Variants in SLC17A6 observed in about 807,000 individuals in gnomAD.
SLC17A6 encodes the protein solute carrier family 17 member 6.
SLC17A6 carries 35 observed loss-of-function variants against 67.1 expected under a neutral mutation model. That is an observed-to-expected ratio of 0.52 (90% CI 0.40 to 0.69). SLC17A6 has a LOEUF of 0.69. SLC17A6 is among the 30% of genes least tolerant of loss of function. SLC17A6 has a pLI of 0.00. For missense variants in SLC17A6, 588 were observed against 723.9 expected (o/e 0.81, Z 2.15); for synonymous variants, 285 against 252.3 (o/e 1.13, Z -1.23).
At position 22,340,995 on chromosome 11, in the gene SLC17A6, G is replaced by T. The variant is rs1352131051; in HGVS notation, c.87-533G>T. Among the ~76,000 whole-genome samples the T allele has an allele frequency of 3.3e-5, 5 of 152,284 alleles. No homozygotes were observed. In the East Asian group the frequency reaches 9.7e-4, roughly 29 times the overall value. On this transcript the variant is annotated intron_variant, in intron 1 of 11. Coordinates refer to ENST00000263160, the MANE Select transcript of SLC17A6 (RefSeq NM_020346.3). ...TCGTCAACCTGGAAAGCTTCAACTTGCTAGAAACGGAAAAGGCAGCGCGGG... is the reference window on the plus strand; with the variant it reads ...TCGTCAACCTGGAAAGCTTCAACTTTCTAGAAACGGAAAAGGCAGCGCGGG...
At chr11:22,370,014 A>C in intron 7 of SLC17A6, 25 bp from the exon 8 acceptor site, 1 of 1,600,420 alleles carries the variant, frequency 6.2e-7, no homozygotes, top group Non-Finnish European at 8.5e-7. Context: ...AAATGGTCAT[A>C]ATGTCTCTCT....
rs937673189 is a variant in SLC17A6 at position 22,374,017 on chromosome 11, C to A, written c.1042-738C>A. Among the ~76,000 whole-genome samples, 5 of 152,170 alleles carry A rather than the reference C, an allele frequency of 3.3e-5. No individual in the cohort carries two copies. The East Asian group carries it at 9.6e-4, about 29-fold the overall frequency. On this transcript the variant is annotated intron_variant, in intron 8 of 11. Transcript: ENST00000263160. ...TTACATTCAAAGTTTATTAAGTCCACGTATGCGGTAATACATAATTCAAAT... is the reference window on the plus strand; with the variant it reads ...TTACATTCAAAGTTTATTAAGTCCAAGTATGCGGTAATACATAATTCAAAT...
chr11:22,376,499 A>G (rs1245001841), intron 10 of SLC17A6, 46 bp from the exon 11 acceptor site: 2 of 1,611,636 alleles, frequency 1.2e-6, no homozygotes, highest in Non-Finnish European at 8.5e-7. Flanking sequence ...ATTTACTTCT[A>G]AGACGTTTAG....
At chr11:22,359,548 G>C in intron 4 of SLC17A6, 21 bp downstream of exon 4, 1 of 1,480,822 alleles carries the variant, frequency 6.8e-7, no homozygotes, top group East Asian at 2.4e-5. Context: ...TCAGGGTGAA[G>C]CCTTTTTAAG....
At chr11:22,360,484 A>C (rs888883148) in intron 4 of SLC17A6, among the ~76,000 whole-genome samples, 9 of 151,948 alleles carry the variant, frequency 5.9e-5, no homozygotes, top group African/African-American at 2.2e-4. Context: ...AACTTAAAAA[A>C]ATAATAATAA....
intron 1 of SLC17A6, among the ~76,000 whole-genome samples, chr11:22,339,156 TATATATATG>T (rs1855780186): frequency 2.2e-5 from 1 of 45,290 alleles, no homozygotes; most frequent in South Asian, 7.1e-4. Flanking sequence ...TATATAGTTA[TATATATATG>T]TTATATATAT....
At chr11:22,343,751 C>G (rs1855845550) in intron 3 of SLC17A6, among the ~76,000 whole-genome samples, 1 of 152,116 alleles carries the variant, frequency 6.6e-6, no homozygotes, top group South Asian at 2.1e-4. Context: ...TCCTGCACTC[C>G]CCGCAGGCTC....
rs199700825 is a variant in SLC17A6, at chr11:22,365,633, C to T, written c.835C>T (p.Arg279Cys). ...GCATCCTACTATTACAGATGAAGAACGTAGGTACATAGAAGAAAGCATTGG... is the reference window on the plus strand; with the variant it reads ...GCATCCTACTATTACAGATGAAGAATGTAGGTACATAGAAGAAAGCATTGG... ...AKHPTITDEE[R>C]RYIEESIGES... is the part of the protein sequence containing the mutation. Residue 279 changes from arginine to cysteine, a missense_variant, in exon 7 of 12, where the codon CGT becomes TGT. This residue lies in a region of SLC17A6 where 414 missense variants were observed against 563.4 expected (regional missense o/e 0.73). Transcript: ENST00000263160. 480 of 1,613,844 alleles carry T rather than the reference C, an allele frequency of 3.0e-4. No homozygotes were observed. The highest frequency in any genetic ancestry group is 3.8e-4 in the Non-Finnish European group (448 of 1,179,824).
In SLC17A6 at chr11:22,358,811, T is replaced by C. The variant is rs573131401; in HGVS notation, c.459-602T>C. On this transcript the variant is annotated intron_variant, in intron 3 of 11. Transcript: ENST00000263160. ...CCTGAGAGAGATATACTAAGTATAA[T>C]TATTTGCATTATTTCGAGAACATGT... 3.9e-4 allele frequency among the ~76,000 whole-genome samples: 60 copies of C among 152,334 alleles called. 3 individuals carry two copies. The South Asian group carries it at 9.9e-3, about 25-fold the overall frequency.
chr11:22,343,076 T>C, intron 2 of SLC17A6, 171 bp from the exon 3 acceptor site: 1 of 698,542 alleles, frequency 1.4e-6, no homozygotes, highest in South Asian at 1.5e-5. Context: ...AGCAGGGTTT[T>C]TTCGTTGCAA....
chr11:22,369,919 C>G, intron 7 of SLC17A6, 120 bp from the exon 8 acceptor site: 1 of 849,952 alleles, frequency 1.2e-6, no homozygotes. Flanking sequence ...TTCACTACAT[C>G]TTCCTACTTC....
At position 22,349,894 on chromosome 11, in the gene SLC17A6, C is replaced by A. The variant is rs567097130; in HGVS notation, c.458+6529C>A. Among the ~76,000 whole-genome samples, 7 of 152,236 alleles carry A rather than the reference C, an allele frequency of 4.6e-5. No homozygotes were observed. The South Asian group carries it at 8.3e-4, about 18-fold the overall frequency. The stretch of plus-strand genomic sequence containing the variant: ...AGCCTGAGTCAGTCTGCTGCAGACC[C>A]TCCAGGAAAGAATTAGTTCCACACC... On this transcript the variant is annotated intron_variant, in intron 3 of 11. Coordinates refer to ENST00000263160, the MANE Select transcript of SLC17A6 (RefSeq NM_020346.3).
At chr11:22,362,333 C>T in intron 5 of SLC17A6, 1 of 350,188 alleles carries the variant, frequency 2.9e-6, no homozygotes, top group Non-Finnish European at 5.7e-6. Flanking sequence ...GTAAAAGCTA[C>T]ACAAACATGA....
chr11:22,349,904 G>T (rs1056771893), intron 3 of SLC17A6, among the ~76,000 whole-genome samples: 19 of 152,154 alleles, frequency 1.2e-4, no homozygotes, highest in African/African-American at 4.6e-4. Context: ...CTCCAGGAAA[G>T]AATTAGTTCC....
At chr11:22,373,391 A>G (rs997898097) in intron 8 of SLC17A6, among the ~76,000 whole-genome samples, 1 of 152,118 alleles carries the variant, frequency 6.6e-6, no homozygotes, top group Non-Finnish European at 1.5e-5. Flanking sequence ...ACTGCTTGAA[A>G]TATATTTACT....
intron 3 of SLC17A6, among the ~76,000 whole-genome samples, chr11:22,356,055 C>T (rs1855989991): frequency 6.6e-6 from 1 of 152,096 alleles, no homozygotes; most frequent in South Asian, 2.1e-4. Flanking sequence ...TGTCAGAGAG[C>T]CCTGGATTTA....
intron 3 of SLC17A6, among the ~76,000 whole-genome samples, chr11:22,344,064 G>A (rs952236026): frequency 2.0e-5 from 3 of 152,130 alleles, no homozygotes; most frequent in African/African-American, 7.2e-5. Context: ...CGATGGGGTG[G>A]AGGTGTCGAG....
chr11:22,360,891 T>A lies in SLC17A6; in HGVS notation c.574-6T>A. On this transcript the variant is annotated splice_region_variant and splice_polypyrimidine_tract_variant and intron_variant, in intron 4 of 11. Coordinates refer to ENST00000263160, the MANE Select transcript of SLC17A6 (RefSeq NM_020346.3). ...TGACAGTGATGAGTATCTTCCCCCA[T>A]CACAGGGTGTGACCTACCCAGCATG... The A allele has an allele frequency of 6.2e-7, 1 of 1,613,352 alleles. No individual in the cohort carries two copies. Among genetic ancestry groups the A allele is most frequent in the South Asian group, 1.1e-5 (1 of 91,042 alleles).
At chr11:22,369,366 GTAAC>G (rs1856147950) in intron 7 of SLC17A6, among the ~76,000 whole-genome samples, 1 of 151,978 alleles carries the variant, frequency 6.6e-6, no homozygotes, top group South Asian at 2.1e-4. Context: ...AATATTTTAA[GTAAC>G]TAATTATGTG....
Sources: allele counts gnomAD v4.1 joint callset (sites outside exome capture counted in the v4.1 genomes callset), GRCh38; gene constraint gnomAD v4.1.1; regional missense constraint gnomAD v4.1.1; transcripts MANE v1.5; gene names NCBI Gene and HGNC (gene_info 2026-07-23, HGNC 2026-07-21).